The following WDPCP variants were observed in gnomAD, a reference collection of about 807,000 sequenced individuals.
WDPCP encodes the protein WD repeat-containing and planar cell polarity effector protein fritz homolog.
In WDPCP, 71 loss-of-function variants were observed where a neutral mutation model predicts 93.1. The observed-to-expected ratio is 0.76, with a 90% confidence interval of 0.63 to 0.93. The LOEUF is 0.93. Among genes scored for constraint, WDPCP ranks in the 40% least tolerant of loss-of-function variants. The probability of loss-of-function intolerance (pLI) is 0.00; values close to 1 mark genes in which losing one functional copy is unlikely to be tolerated. For synonymous variants in WDPCP, 315 were observed against 315.0 expected (o/e 1.00, Z 0.00); for missense variants, 844 against 887.4 (o/e 0.95, Z 0.62).
chr2:63,448,099 T>C (rs1276434534), intron 6 of WDPCP, among the ~76,000 whole-genome samples: 3 of 152,158 alleles, frequency 2.0e-5, no homozygotes, highest in East Asian at 3.8e-4. Flanking sequence ...CTCTTACCTT[T>C]AGCTAACAAA....
At chr2:63,616,653 A>T (rs1311430510) in intron 3 of WDPCP, among the ~76,000 whole-genome samples, 1 of 152,226 alleles carries the variant, frequency 6.6e-6, no homozygotes, top group Non-Finnish European at 1.5e-5. Context: ...GAAAGAGACC[A>T]TATTACTCTC....
chr2:63,181,242 TCG>T (rs1674217058), intron 14 of WDPCP, among the ~76,000 whole-genome samples: 3 of 152,184 alleles, frequency 2.0e-5, no homozygotes, highest in Non-Finnish European at 4.4e-5. Context: ...GCATTTGCTT[TCG>T]AGGCCTTAGT....
At chr2:63,587,597 ATATGCTGTG>A (rs1384707523) in intron 1 of WDPCP, among the ~76,000 whole-genome samples, 1 of 152,238 alleles carries the variant, frequency 6.6e-6, no homozygotes, top group Admixed American at 6.5e-5. Context: ...TTCATTACGT[ATATGCTGTG>A]TATGCTACTC....
intron 14 of WDPCP, among the ~76,000 whole-genome samples, chr2:63,185,848 T>C (rs1424693477): frequency 6.6e-6 from 1 of 152,186 alleles, no homozygotes; most frequent in Non-Finnish European, 1.5e-5. Context: ...ATCCTCAGCC[T>C]GAGAGAGTGT....
intron 15 of WDPCP, among the ~76,000 whole-genome samples, chr2:63,171,024 TACATAATG>T (rs953999574): frequency 6.6e-6 from 1 of 152,090 alleles, no homozygotes. Context: ...TTCTATGTAC[TACATAATG>T]ACCTTAGACC....
In WDPCP at chr2:63,231,050, C is replaced by T. The variant is rs533690119; in HGVS notation, c.1915+28257G>A. ...AGCACATCAAAAAGCTTATCCACCACGATCAAGTGGGCTTCATCCCTGGGA... is the reference window on the plus strand; with the variant it reads ...AGCACATCAAAAAGCTTATCCACCATGATCAAGTGGGCTTCATCCCTGGGA... On this transcript the variant is annotated intron_variant, in intron 14 of 17. Coordinates refer to ENST00000272321, the MANE Select transcript of WDPCP (RefSeq NM_015910.7). Among the ~76,000 whole-genome samples, 673 of 152,214 alleles carry T rather than the reference C, an allele frequency of 4.4e-3. 4 individuals are homozygous for T. Among genetic ancestry groups the T allele is most frequent in the Non-Finnish European group, 4.2e-3 (285 of 68,000 alleles).
At chr2:63,640,470 G>A (rs1226154274) in intron 3 of WDPCP, among the ~76,000 whole-genome samples, 4 of 152,052 alleles carry the variant, frequency 2.6e-5, no homozygotes, top group African/African-American at 9.7e-5. Flanking sequence ...CTCCACCCTG[G>A]GCAAAAGAGT....
At chr2:63,683,781 G>A (rs370362601) in intron 2 of WDPCP, among the ~76,000 whole-genome samples, 18 of 151,998 alleles carry the variant, frequency 1.2e-4, no homozygotes, top group South Asian at 8.3e-4. Flanking sequence ...CCCAGGAGGC[G>A]GAGGTTGCAG....
At chr2:63,664,530 T>A (rs1015560353) in intron 2 of WDPCP, among the ~76,000 whole-genome samples, 1 of 152,094 alleles carries the variant, frequency 6.6e-6, no homozygotes, top group Non-Finnish European at 1.5e-5. Context: ...CCCAATTCAG[T>A]CTATGGTGGG....
chr2:63,569,644 C>A (rs535890405), intron 1 of WDPCP, among the ~76,000 whole-genome samples: 31 of 152,176 alleles, frequency 2.0e-4, no homozygotes, highest in Non-Finnish European at 3.8e-4. Context: ...AATTTCCTCA[C>A]AAACATTTGC....
At chr2:63,554,538 A>C (rs939425228) in intron 1 of WDPCP, among the ~76,000 whole-genome samples, 14 of 152,120 alleles carry the variant, frequency 9.2e-5, no homozygotes, top group Non-Finnish European at 2.1e-4. Context: ...CTGTAATCCC[A>C]GCTACTTTGG....
intron 12 of WDPCP, among the ~76,000 whole-genome samples, chr2:63,345,088 G>A (rs924943157): frequency 6.6e-6 from 1 of 152,126 alleles, no homozygotes; most frequent in Non-Finnish European, 1.5e-5. Flanking sequence ...AATTCTTGGA[G>A]CTTCTTACTC....
At chr2:63,781,437 T>C (rs1217870501) in intron 2 of WDPCP, among the ~76,000 whole-genome samples, 1 of 152,172 alleles carries the variant, frequency 6.6e-6, no homozygotes, top group African/African-American at 2.4e-5. Flanking sequence ...TCCTGTTCTT[T>C]ATTTCATTCA....
intron 2 of WDPCP, among the ~76,000 whole-genome samples, chr2:63,714,983 C>T (rs964821836): frequency 6.6e-6 from 1 of 152,100 alleles, no homozygotes; most frequent in Admixed American, 6.5e-5. Context: ...ATTATTCAGT[C>T]ATAAAAAAAG....
chr2:63,835,699 T>C, the WDPCP span, among the ~76,000 whole-genome samples: 1 of 152,232 alleles, frequency 6.6e-6, no homozygotes, highest in South Asian at 2.1e-4. Flanking sequence ...TATTTTTTCC[T>C]GTAGTTTTTT....
intron 1 of WDPCP, among the ~76,000 whole-genome samples, chr2:63,814,253 T>C (rs1167904630): frequency 2.0e-5 from 3 of 152,014 alleles, no homozygotes; most frequent in Non-Finnish European, 4.4e-5. Context: ...GCCTCCTTTA[T>C]AGCTAGAGAT....
intron 3 of WDPCP, among the ~76,000 whole-genome samples, chr2:63,606,493 T>C (rs1709532631): frequency 6.6e-6 from 1 of 152,242 alleles, no homozygotes; most frequent in Non-Finnish European, 1.5e-5. Flanking sequence ...AAAGTTTTTA[T>C]GATTGAAATT....
intron 3 of WDPCP, among the ~76,000 whole-genome samples, chr2:63,648,499 A>T (rs1360353919): frequency 6.6e-6 from 1 of 152,226 alleles, no homozygotes; most frequent in East Asian, 1.9e-4. Flanking sequence ...AGGTATTTAC[A>T]TCATCCCAAA....
chr2:63,633,010 T>C (rs1459962853), intron 3 of WDPCP, among the ~76,000 whole-genome samples: 1 of 152,122 alleles, frequency 6.6e-6, no homozygotes, highest in African/African-American at 2.4e-5. Context: ...AAGGGAATCT[T>C]CATAAGGCTA....
Sources: gnomAD v4.1 joint callset for allele counts (sites outside exome capture counted in the v4.1 genomes callset) on GRCh38, gnomAD v4.1.1 for gene constraint, MANE v1.5 for transcripts, NCBI Gene and HGNC (gene_info 2026-07-23, HGNC 2026-07-21) for gene names.